TFAP2C: variants seen among roughly 807,000 people sequenced by gnomAD.
TFAP2C encodes transcription factor AP-2 gamma, also known as activating enhancer-binding protein 2 gamma.
In TFAP2C, 9 loss-of-function variants were observed where a neutral mutation model predicts 42.9. That is an observed-to-expected ratio of 0.21 (90% CI 0.13 to 0.37). The LOEUF is 0.37. Among genes scored for constraint, TFAP2C ranks in the 10% least tolerant of loss-of-function variants. The pLI is 1.00. For synonymous variants in TFAP2C, 264 were observed against 256.0 expected, an observed-to-expected ratio of 1.03 and a Z score of -0.30; for missense variants, 462 against 591.7, an observed-to-expected ratio of 0.78 and a Z score of 2.27.
At position 56,629,556 on chromosome 20, in the gene TFAP2C, A is replaced by G; in HGVS notation, c.12A>G (p.Lys4=). The change falls in exon 1 of 7, where the codon AAA becomes AAG. Residue 4 remains lysine, a synonymous_variant. Coordinates refer to ENST00000201031, the MANE Select transcript of TFAP2C (RefSeq NM_003222.4). The surrounding 1 kb of genome is among the most constrained non-coding windows in gnomAD (Gnocchi z 5.9). MLW[K]ITDNVKYEED... ...GGACGCCGGACGCCATGTTGTGGAA[A>G]ATAACCGATAATGTCAAGTACGAAG... is the stretch of plus-strand genomic sequence containing the variant. 4 of 1,427,478 alleles carry G rather than the reference A, an allele frequency of 2.8e-6. No individual in the cohort carries two copies. The highest frequency in any genetic ancestry group is 3.7e-6 in the Non-Finnish European group (4 of 1,088,726). The allele number at this position is 1,427,478 out of a possible 1,614,324, so 88.4% of individuals were successfully genotyped here.
intron 6 of TFAP2C, among the ~76,000 whole-genome samples, chr20:56,637,380 C>CTT: frequency 6.6e-6 from 1 of 152,320 alleles, no homozygotes; most frequent in East Asian, 1.9e-4. Flanking sequence ...TTGGAACCAA[C>CTT]TTGTACCAAG....
At chr20:56,634,709 A>G (rs942871584) in intron 5 of TFAP2C, among the ~76,000 whole-genome samples, 1 of 152,184 alleles carries the variant, frequency 6.6e-6, no homozygotes, top group Non-Finnish European at 1.5e-5. Flanking sequence ...GATTGTGGTC[A>G]GTGAAGAGAA....
chr20:56,634,243 G>A lies in TFAP2C; in HGVS notation c.897G>A (p.Val299=), dbSNP rs1292657856. 6.2e-7 allele frequency: 1 copy of A among 1,613,848 alleles called. No homozygotes were observed. Among genetic ancestry groups the A allele is most frequent in the Non-Finnish European group, 8.5e-7 (1 of 1,179,726 alleles). The change falls in exon 5 of 7, where the codon GTG becomes GTA. Residue 299 remains valine, a synonymous_variant. Transcript: ENST00000201031. ...LPAGRRKAAH[V]TLLTSLVEGE... Reference sequence around the variant, plus strand: ...CCGGGAGGCGGAAAGCCGCTCATGTGACTCTCCTGACATCCTTAGTAGAAG... The same window carrying A: ...CCGGGAGGCGGAAAGCCGCTCATGTAACTCTCCTGACATCCTTAGTAGAAG...
At chr20:56,635,063 G>A (rs970446913) in intron 5 of TFAP2C, among the ~76,000 whole-genome samples, 4 of 152,224 alleles carry the variant, frequency 2.6e-5, no homozygotes, top group South Asian at 2.1e-4. Flanking sequence ...CGGGCTCCCC[G>A]TGGCAGTACC....
chr20:56,630,487 C>T lies in TFAP2C; in HGVS notation c.49-718C>T, dbSNP rs1568751184. On this transcript the variant is annotated intron_variant, in intron 1 of 6. Transcript: ENST00000201031. The surrounding 1 kb of genome is among the most constrained non-coding windows in gnomAD (Gnocchi z 5.1). Reference sequence around the variant, plus strand: ...GCAAGGCTGCCCAATTTCCAGGGTTCTTCATGCCCCCTCTGCGCCCCGACG... The same window carrying T: ...GCAAGGCTGCCCAATTTCCAGGGTTTTTCATGCCCCCTCTGCGCCCCGACG... 1 of 357,518 alleles carries T rather than the reference C, an allele frequency of 2.8e-6. No homozygotes were observed. The highest frequency in any genetic ancestry group is 2.0e-5 in the South Asian group (1 of 49,896). 22.1% of individuals were successfully genotyped at this position (357,518 alleles called of 1,614,324 possible). A position where few individuals can be genotyped will look rare whatever the true frequency, so the allele number is the denominator to read the frequency against.
chr20:56,635,490 A>G (rs1301772105), intron 5 of TFAP2C, among the ~76,000 whole-genome samples: 2 of 152,076 alleles, frequency 1.3e-5, no homozygotes, highest in African/African-American at 2.4e-5. Context: ...TTTTTAGGAG[A>G]AACATCCCTC....
chr20:56,631,417 C>T lies in TFAP2C; in HGVS notation c.261C>T (p.Ile87=). 1 of 1,600,996 alleles carries T rather than the reference C, an allele frequency of 6.2e-7. No homozygotes were observed. ...TGGGGGAAGCGTACGCCGCCGCCAT[C>T]AACCCCCTGCACCAGCCGGCGCCCA... ...SHLGEAYAAA[I]NPLHQPAPTG... Residue 87 remains isoleucine (I), a synonymous_variant, in exon 2 of 7, where the codon ATC becomes ATT. Transcript: ENST00000201031. The surrounding 1 kb of genome is among the most constrained non-coding windows in gnomAD (Gnocchi z 6.1).
chr20:56,635,260 A>G (rs769680261), intron 5 of TFAP2C, among the ~76,000 whole-genome samples: 3 of 152,154 alleles, frequency 2.0e-5, no homozygotes, highest in Non-Finnish European at 2.9e-5. Flanking sequence ...CTTGCTAGCC[A>G]GGCAGGGTGA....
At chr20:56,633,931 G>A (rs978431123) in intron 4 of TFAP2C, among the ~76,000 whole-genome samples, 1 of 152,210 alleles carries the variant, frequency 6.6e-6, no homozygotes, top group Admixed American at 6.5e-5. Flanking sequence ...ATTCGGTGAT[G>A]CAGAGTTGGA....
In TFAP2C at chr20:56,629,506, G is replaced by A; in HGVS notation, c.-39G>A. ...ACCGCTTGGGGGCTGGGGGGATCCT[G>A]GATTTAACTGGCGACTGTTTTGGGG... is the stretch of plus-strand genomic sequence containing the variant. On this transcript the variant is annotated 5_prime_UTR_variant, in exon 1 of 7. Coordinates refer to ENST00000201031, the MANE Select transcript of TFAP2C (RefSeq NM_003222.4). This position sits in a 1 kb window ranked among gnomAD's most constrained non-coding sequence, Gnocchi z 5.9. 2 of 1,392,558 alleles carry A rather than the reference G, an allele frequency of 1.4e-6. No individual in the cohort carries two copies. Among genetic ancestry groups the A allele is most frequent in the Non-Finnish European group, 1.9e-6 (2 of 1,069,052 alleles). 86.3% of individuals were successfully genotyped at this position (1,392,558 alleles called of 1,614,324 possible). A position where few individuals can be genotyped will look rare whatever the true frequency, so the allele number is the denominator to read the frequency against.
Position 56,630,331 on chromosome 20 carries a change from C to T in TFAP2C, c.48+739C>T, listed in dbSNP as rs1488615015. On this transcript the variant is annotated intron_variant, in intron 1 of 6. Coordinates refer to ENST00000201031, the MANE Select transcript of TFAP2C (RefSeq NM_003222.4). This position sits in a 1 kb window ranked among gnomAD's most constrained non-coding sequence, Gnocchi z 5.1. ...GGAGGGCTGCCCCTGCCCGCAGGCC[C>T]GGGCGCTTCCGCCAGGAGGCGACAG... 4.6e-6 allele frequency: 2 copies of T among 438,684 alleles called. No homozygotes were observed. The highest frequency in any genetic ancestry group is 4.1e-5 in the African/African-American group (2 of 48,644). The allele number at this position is 438,684 out of a possible 1,614,324, so 27.2% of individuals were successfully genotyped here. A position where few individuals can be genotyped will look rare whatever the true frequency, so the allele number is the denominator to read the frequency against.
chr20:56,629,313 A>T lies in TFAP2C; in HGVS notation c.-232A>T. ...GGTCCCCCGGCTATCGCCAGGACACACTGTTCGGGCGCGGCTTTCCCCGTC... is the reference window on the plus strand; with the variant it reads ...GGTCCCCCGGCTATCGCCAGGACACTCTGTTCGGGCGCGGCTTTCCCCGTC... On this transcript the variant is annotated 5_prime_UTR_variant, in exon 1 of 7. Transcript: ENST00000201031. The surrounding 1 kb of genome is among the most constrained non-coding windows in gnomAD (Gnocchi z 5.9). 2.5e-6 allele frequency: 1 copy of T among 394,256 alleles called. No individual in the cohort carries two copies. The highest frequency in any genetic ancestry group is 4.5e-6 in the Non-Finnish European group (1 of 223,694). The allele number at this position is 394,256 out of a possible 1,614,324, so 24.4% of individuals were successfully genotyped here.
intron 5 of TFAP2C, 29 bp downstream of exon 5, chr20:56,634,297 A>T: frequency 6.6e-7 from 1 of 1,506,278 alleles, no homozygotes; most frequent in Non-Finnish European, 9.2e-7. Context: ...TTGGTTCGTG[A>T]TGTTTTTAAT....
rs1025131770 is a variant in TFAP2C at position 56,630,620 on chromosome 20, T to A, written c.49-585T>A. On this transcript the variant is annotated intron_variant, in intron 1 of 6. Transcript: ENST00000201031. The surrounding 1 kb of genome is among the most constrained non-coding windows in gnomAD (Gnocchi z 5.1). The stretch of plus-strand genomic sequence containing the variant: ...CCTGTGCGCGCGCTCCCTCTTCACT[T>A]CCCAGGGCGGCGCAGGGTGGCGGGC... The A allele has an allele frequency of 1.1e-6, 1 of 933,242 alleles. No individual in the cohort carries two copies. The highest frequency in any genetic ancestry group is 1.8e-5 in the African/African-American group (1 of 56,190). 57.8% of individuals were successfully genotyped at this position (933,242 alleles called of 1,614,324 possible).
rs1466896655 is a variant in TFAP2C at position 56,631,244 on chromosome 20, C to T, written c.88C>T (p.Pro30Ser). ...GAGCAGCAATGGGAATCCGCGGGTC[C>T]CCCACCTCTCCTCCGCCGGGCAGCA... is the stretch of plus-strand genomic sequence containing the variant. ...DGSSNGNPRV[P>S]HLSSAGQHLY... The change falls in exon 2 of 7, where the codon CCC (proline) becomes TCC (serine). Residue 30 changes from proline to serine, a missense_variant. Pro to Ser is a moderately conservative substitution (Grantham distance 74). Coordinates refer to ENST00000201031, the MANE Select transcript of TFAP2C (RefSeq NM_003222.4). This position sits in a 1 kb window ranked among gnomAD's most constrained non-coding sequence, Gnocchi z 6.1. The T allele has an allele frequency of 6.3e-7, 1 of 1,575,768 alleles. No homozygotes were observed. Among genetic ancestry groups the T allele is most frequent in the South Asian group, 1.2e-5 (1 of 86,432 alleles).
intron 3 of TFAP2C, among the ~76,000 whole-genome samples, chr20:56,632,097 A>T (rs990472829): frequency 1.3e-5 from 2 of 152,208 alleles, no homozygotes; most frequent in East Asian, 3.8e-4. Flanking sequence ...AAAAATGTCC[A>T]TGAATTCCAG....
At chr20:56,637,655 T>C (rs6025024) in intron 6 of TFAP2C, 73 bp from the exon 7 acceptor site, 40 of 1,506,478 alleles carry the variant, frequency 2.7e-5, no homozygotes, top group African/African-American at 4.1e-5. Context: ...CCAGCCTCAG[T>C]GTAGTTGGTT....
chr20:56,630,996 A>G lies in TFAP2C; in HGVS notation c.49-209A>G, dbSNP rs906631767. The G allele has an allele frequency of 2.0e-6, 2 of 985,126 alleles. No homozygotes were observed. The allele number at this position is 985,126 out of a possible 1,614,324, so 61.0% of individuals were successfully genotyped here. ...GAGAACTCGTTCCCCCAGGTCTTTC[A>G]CCAGACTCTCCTCCCTCCCCGCACT... On this transcript the variant is annotated intron_variant, in intron 1 of 6. Transcript: ENST00000201031. The surrounding 1 kb of genome is among the most constrained non-coding windows in gnomAD (Gnocchi z 5.1).
At position 56,630,688 on chromosome 20, in the gene TFAP2C, G is replaced by T. The variant is rs1290186746; in HGVS notation, c.49-517G>T. The T allele has an allele frequency of 3.0e-6, 3 of 985,208 alleles. No individual in the cohort carries two copies. In the African/African-American group the frequency reaches 5.2e-5, roughly 17 times the overall value. 61.0% of individuals were successfully genotyped at this position (985,208 alleles called of 1,614,324 possible). ...GCCCGCTCGGAGGTCTTTGTCCCGA[G>T]GGCGTGGAAGGGAGGGTCCCGGGGG... On this transcript the variant is annotated intron_variant, in intron 1 of 6. Coordinates refer to ENST00000201031, the MANE Select transcript of TFAP2C (RefSeq NM_003222.4). The surrounding 1 kb of genome is among the most constrained non-coding windows in gnomAD (Gnocchi z 5.1).
Sources: allele counts gnomAD v4.1 joint callset (sites outside exome capture counted in the v4.1 genomes callset), GRCh38; gene constraint gnomAD v4.1.1; non-coding constraint Gnocchi (gnomAD v3.1); transcripts MANE v1.5; gene names NCBI Gene and HGNC (gene_info 2026-07-23, HGNC 2026-07-21).